ASCC3: variants seen among roughly 807,000 people sequenced by gnomAD.
ASCC3 encodes ASC-1 complex subunit P200.
ASCC3 carries 158 observed loss-of-function variants against 256.3 expected under a neutral mutation model. That is an observed-to-expected ratio of 0.62 (90% CI 0.54 to 0.70). The LOEUF (loss-of-function observed/expected upper bound fraction) is 0.70. ASCC3 is among the 30% of genes least tolerant of loss of function. The probability of loss-of-function intolerance (pLI) is 0.00; values close to 1 mark genes in which losing one functional copy is unlikely to be tolerated. For synonymous variants in ASCC3, 948 were observed against 883.4 expected (o/e 1.07, Z -1.30); for missense variants, 2,259 against 2,626.0 (o/e 0.86, Z 3.05).
At chr6:100,515,592 G>C (rs1388888941) in intron 39 of ASCC3, among the ~76,000 whole-genome samples, 1 of 152,122 alleles carries the variant, frequency 6.6e-6, no homozygotes, top group Non-Finnish European at 1.5e-5. Flanking sequence ...CATGATCCTT[G>C]TTGTTTTCTG....
chr6:100,864,129 T>G lies in ASCC3; in HGVS notation c.176A>C (p.Glu59Ala), dbSNP rs757903799. 6.2e-7 allele frequency: 1 copy of G among 1,605,932 alleles called. No individual in the cohort carries two copies. Among genetic ancestry groups the G allele is most frequent in the Middle Eastern group, 1.7e-4 (1 of 6,006 alleles). The change falls in exon 3 of 42, where the codon GAG becomes GCG. Residue 59 changes from glutamate (E) to alanine (A), a missense_variant. Around this residue, in one of 2 missense-constraint regions of ASCC3, gnomAD observed 420 missense variants for 419.3 expected, o/e 1.00. Transcript: ENST00000369162. ...ATTTATACTTTGCATTTTACTCTTCTCCAGTTTTTCATTCAAAAATTTTAT... is the reference window on the plus strand; with the variant it reads ...ATTTATACTTTGCATTTTACTCTTCGCCAGTTTTTCATTCAAAAATTTTAT... The part of the protein sequence containing the change: ...KIIKFLNEKL[E>A]KSKMQSINED...
chr6:100,550,512 T>A (rs982435541), intron 36 of ASCC3, among the ~76,000 whole-genome samples: 1 of 151,986 alleles, frequency 6.6e-6, no homozygotes, highest in Non-Finnish European at 1.5e-5. Flanking sequence ...GCAAACTACT[T>A]CATTTGGTGC....
intron 25 of ASCC3, among the ~76,000 whole-genome samples, chr6:100,633,694 C>T (rs909337252): frequency 2.7e-4 from 41 of 149,208 alleles, no homozygotes; most frequent in Non-Finnish European, 1.5e-4. Flanking sequence ...GGAGAAACCC[C>T]GTCACTACTA....
intron 36 of ASCC3, among the ~76,000 whole-genome samples, chr6:100,546,508 C>A (rs986225770): frequency 4.6e-5 from 7 of 152,016 alleles, no homozygotes; most frequent in Admixed American, 4.6e-4. Flanking sequence ...CTTACAGGAA[C>A]AGCACAGAAG....
At chr6:100,715,361 G>T in intron 13 of ASCC3, 101 bp downstream of exon 13, 1 of 1,057,636 alleles carries the variant, frequency 9.5e-7, no homozygotes, top group Non-Finnish European at 1.4e-6. Flanking sequence ...CAGAATTAAA[G>T]AAAAATTTTC....
At chr6:100,715,791 C>T (rs1001184601) in intron 12 of ASCC3, among the ~76,000 whole-genome samples, 1 of 151,678 alleles carries the variant, frequency 6.6e-6, no homozygotes, top group African/African-American at 2.4e-5. Flanking sequence ...TTTTAAAATA[C>T]AGTATCTTTA....
Position 100,533,819 on chromosome 6 carries a change from A to C in ASCC3, c.5775+6344T>G, listed in dbSNP as rs901085826. Among the ~76,000 whole-genome samples the C allele has an allele frequency of 6.6e-5, 10 of 152,316 alleles. No homozygotes were observed. The East Asian group carries it at 1.7e-3, about 26-fold the overall frequency. Reference sequence around the variant, plus strand: ...GGTGTTTTTCACTTAAATGAAGATTATTTTTTAATTTGCAGACTGGTGGCA... The same window carrying C: ...GGTGTTTTTCACTTAAATGAAGATTCTTTTTTAATTTGCAGACTGGTGGCA... On this transcript the variant is annotated intron_variant, in intron 37 of 41. Coordinates refer to ENST00000369162, the MANE Select transcript of ASCC3 (RefSeq NM_006828.4).
At chr6:100,682,850 A>C (rs1777377174) in intron 13 of ASCC3, among the ~76,000 whole-genome samples, 1 of 152,202 alleles carries the variant, frequency 6.6e-6, no homozygotes, top group South Asian at 2.1e-4. Context: ...GGTTTCTCAC[A>C]GTGAGACCTA....
At chr6:100,758,409 CCTCCCTGTGTCCATGTGTT>C (rs888529710) in intron 10 of ASCC3, among the ~76,000 whole-genome samples, 17 of 152,046 alleles carry the variant, frequency 1.1e-4, no homozygotes, top group African/African-American at 1.9e-4. Flanking sequence ...GTGTTGTTCC[CCTCCCTGTGTCCATGTGTT>C]CTCCCTGTGT....
intron 22 of ASCC3, among the ~76,000 whole-genome samples, chr6:100,645,258 CTG>C (rs1425661183): frequency 1.3e-5 from 2 of 151,802 alleles, no homozygotes; most frequent in Non-Finnish European, 2.9e-5. Context: ...TTATGGGTAA[CTG>C]TAAATTTATA....
chr6:100,712,172 T>C (rs1778881508), intron 13 of ASCC3, among the ~76,000 whole-genome samples: 1 of 152,086 alleles, frequency 6.6e-6, no homozygotes, highest in Non-Finnish European at 1.5e-5. Flanking sequence ...TCTTAGAAGA[T>C]AACATAACAG....
chr6:100,654,827 A>G (rs919940215), intron 17 of ASCC3, among the ~76,000 whole-genome samples: 2 of 151,986 alleles, frequency 1.3e-5, no homozygotes, highest in African/African-American at 2.4e-5. Flanking sequence ...TTAAGTTTCA[A>G]TTTTCCCATG....
rs577776804 is a variant in ASCC3 at position 100,880,104 on chromosome 6, T to A, written c.-42+957A>T. 3.3e-5 allele frequency among the ~76,000 whole-genome samples: 5 copies of A among 152,282 alleles called. No individual in the cohort carries two copies. The South Asian group carries it at 1.0e-3, about 32-fold the overall frequency. On this transcript the variant is annotated intron_variant, in intron 1 of 41. Coordinates refer to ENST00000369162, the MANE Select transcript of ASCC3 (RefSeq NM_006828.4). ...AGCAGGGATCAAGAAAGCTGAACCA[T>A]GAAAAATTAATTTCTCATATAAATA...
chr6:100,861,593 A>G (rs895077658), intron 3 of ASCC3, among the ~76,000 whole-genome samples: 2 of 152,134 alleles, frequency 1.3e-5, no homozygotes, highest in Admixed American at 6.5e-5. Flanking sequence ...ACTCAACTTA[A>G]GTTTCACTAA....
intron 8 of ASCC3, among the ~76,000 whole-genome samples, chr6:100,794,290 A>AT (rs1398871703): frequency 6.6e-6 from 1 of 152,006 alleles, no homozygotes; most frequent in East Asian, 1.9e-4. Flanking sequence ...TGTGCAGGCA[A>AT]TTGTCTTTTT....
intron 13 of ASCC3, among the ~76,000 whole-genome samples, chr6:100,684,870 G>A (rs1247837916): frequency 1.4e-5 from 2 of 144,090 alleles, no homozygotes; most frequent in East Asian, 4.2e-4. Flanking sequence ...GCAGTGGCGC[G>A]ATCTCGGCTC....
chr6:100,868,149 AT>A (rs1773567159), intron 1 of ASCC3, 111 bp from the exon 2 acceptor site: 1 of 659,006 alleles, frequency 1.5e-6, no homozygotes, highest in African/African-American at 1.8e-5. Flanking sequence ...TTAAAAAGCA[AT>A]TGTTATCAAC....
intron 8 of ASCC3, among the ~76,000 whole-genome samples, chr6:100,774,040 C>A (rs1173282521): frequency 6.6e-6 from 1 of 152,044 alleles, no homozygotes; most frequent in Non-Finnish European, 1.5e-5. Context: ...ACATTCTAAT[C>A]GATTCAACAT....
At chr6:100,593,935 G>T (rs1433092510) in intron 34 of ASCC3, among the ~76,000 whole-genome samples, 2 of 151,948 alleles carry the variant, frequency 1.3e-5, no homozygotes, top group Non-Finnish European at 2.9e-5. Flanking sequence ...ACAAGTTAAT[G>T]TGTGTGTGTA....
Sources: gnomAD v4.1 joint callset for allele counts (sites outside exome capture counted in the v4.1 genomes callset) on GRCh38, gnomAD v4.1.1 for gene constraint, gnomAD v4.1.1 regional missense constraint, MANE v1.5 for transcripts, NCBI Gene and HGNC (gene_info 2026-07-23, HGNC 2026-07-21) for gene names.